The following ATAD2B variants were observed in gnomAD, a reference collection of about 807,000 sequenced individuals.
The protein encoded by ATAD2B is ATPase family AAA domain containing 2B.
ATAD2B carries 40 observed loss-of-function variants against 167.6 expected under a neutral mutation model. The observed-to-expected ratio is 0.24, with a 90% CI of 0.19 to 0.31. ATAD2B has a LOEUF of 0.31. ATAD2B is among the 10% of genes least tolerant of loss of function. ATAD2B has a pLI of 1.00. For missense variants in ATAD2B, 1,242 were observed against 1,757.2 expected, an observed-to-expected ratio of 0.71 and a Z score of 5.24; for synonymous variants, 579 against 596.5, an observed-to-expected ratio of 0.97 and a Z score of 0.43.
intron 17 of ATAD2B, among the ~76,000 whole-genome samples, chr2:23,814,442 C>G (rs1440303586): frequency 6.6e-6 from 1 of 152,176 alleles, no homozygotes; most frequent in Admixed American, 6.5e-5. Context: ...GTACACAGTG[C>G]TATGGAAGAT....
chr2:23,715,573 CA>C, the ATAD2B span, among the ~76,000 whole-genome samples: 7,188 of 139,352 alleles, frequency 0.052, 219 homozygotes, highest in Non-Finnish European at 0.072. Context: ...GACTCTGTCT[CA>C]AAAAAAAAAA....
At chr2:23,892,583 T>C (rs919596209) in intron 2 of ATAD2B, among the ~76,000 whole-genome samples, 6 of 152,046 alleles carry the variant, frequency 3.9e-5, no homozygotes, top group African/African-American at 1.4e-4. Flanking sequence ...GCAATTCTCG[T>C]GCCTCAGCCT....
intron 16 of ATAD2B, among the ~76,000 whole-genome samples, chr2:23,820,482 A>AT (rs150026414): frequency 0.079 from 12,006 of 152,252 alleles, 597 homozygotes; most frequent in South Asian, 0.12. Context: ...TCTACTGAGA[A>AT]TGCAACACTT....
chr2:23,700,396 T>TGTTA, the ATAD2B span, among the ~76,000 whole-genome samples: 1 of 152,190 alleles, frequency 6.6e-6, no homozygotes, highest in East Asian at 1.9e-4. The surrounding 1 kb of genome is among the most constrained non-coding windows in gnomAD (Gnocchi z 4.6). Context: ...TTTTACTACA[T>TGTTA]GTTACTACTC....
downstream of ATAD2B, among the ~76,000 whole-genome samples, chr2:23,743,923 A>C (rs1222287527): frequency 6.6e-6 from 1 of 152,106 alleles, no homozygotes; most frequent in African/African-American, 2.4e-5. Context: ...GTTCAAACTC[A>C]TGATTATACA....
intron 15 of ATAD2B, among the ~76,000 whole-genome samples, chr2:23,824,415 T>C (rs1471962746): frequency 1.3e-5 from 2 of 152,216 alleles, no homozygotes; most frequent in African/African-American, 2.4e-5. Flanking sequence ...CAAACACGTA[T>C]AAAATAGTAT....
chr2:23,712,745 G>A, the ATAD2B span, among the ~76,000 whole-genome samples: 3 of 152,000 alleles, frequency 2.0e-5, no homozygotes, highest in East Asian at 5.8e-4. Context: ...GTTGGGAGTA[G>A]ACAAAGAGGA....
At chr2:23,737,735 C>T in the ATAD2B span, among the ~76,000 whole-genome samples, 23 of 152,098 alleles carry the variant, frequency 1.5e-4, no homozygotes, top group South Asian at 2.1e-3. Context: ...AGGTTTCAGA[C>T]GATCAAACTA....
At chr2:23,729,360 A>G in the ATAD2B span, among the ~76,000 whole-genome samples, 46 of 152,346 alleles carry the variant, frequency 3.0e-4, no homozygotes, top group Non-Finnish European at 6.2e-4. Context: ...AAAATGAAGC[A>G]GGAGATTCAC....
intron 22 of ATAD2B, among the ~76,000 whole-genome samples, chr2:23,782,306 C>G (rs1241657662): frequency 6.6e-6 from 1 of 152,222 alleles, no homozygotes; most frequent in Non-Finnish European, 1.5e-5. Context: ...CATATTCTTC[C>G]TCAGTATAAT....
chr2:23,711,414 G>GGAT, the ATAD2B span, among the ~76,000 whole-genome samples: 3 of 115,644 alleles, frequency 2.6e-5, no homozygotes, highest in Non-Finnish European at 4.9e-5. Flanking sequence ...TGCCCAGGCT[G>GGAT]GATGGAGTGC....
chr2:23,753,444 A>C (rs748524714), intron 27 of ATAD2B, among the ~76,000 whole-genome samples: 12 of 152,128 alleles, frequency 7.9e-5, no homozygotes, highest in Admixed American at 2.6e-4. Context: ...TAACAGGCAA[A>C]TCAACAAAGG....
intron 1 of ATAD2B, among the ~76,000 whole-genome samples, chr2:23,912,176 T>C (rs1702410221): frequency 6.6e-6 from 1 of 152,066 alleles, no homozygotes; most frequent in Admixed American, 6.6e-5. Flanking sequence ...ACAATGGAAT[T>C]AAGCTAGAAG....
the ATAD2B span, among the ~76,000 whole-genome samples, chr2:23,727,919 A>G: frequency 6.6e-6 from 1 of 152,238 alleles, no homozygotes; most frequent in Non-Finnish European, 1.5e-5. Context: ...GGAGGAATGA[A>G]TAAGTGGAAC....
At chr2:23,770,162 A>C (rs186571260) in intron 22 of ATAD2B, among the ~76,000 whole-genome samples, 1 of 151,672 alleles carries the variant, frequency 6.6e-6, no homozygotes, top group Admixed American at 6.6e-5. Flanking sequence ...ATACAAAAAA[A>C]AAAAATAGCT....
At chr2:23,767,214 T>C (rs1304734418) in intron 22 of ATAD2B, among the ~76,000 whole-genome samples, 1 of 152,034 alleles carries the variant, frequency 6.6e-6, no homozygotes, top group African/African-American at 2.4e-5. Context: ...TCATTCCTAT[T>C]ACCTGCTCTG....
chr2:23,862,530 C>A (rs1215872151), intron 12 of ATAD2B, among the ~76,000 whole-genome samples: 2 of 150,900 alleles, frequency 1.3e-5, no homozygotes, highest in Admixed American at 1.3e-4. Context: ...TCTGCCTTGG[C>A]CTCTTAAAAT....
At chr2:23,702,105 G>A in the ATAD2B span, among the ~76,000 whole-genome samples, 853 of 152,136 alleles carry the variant, frequency 5.6e-3, 9 homozygotes, top group Non-Finnish European at 5.4e-3. Flanking sequence ...TGATAGGCGT[G>A]AGCCATCGCG....
chr2:23,848,639 T>C (rs887989428), intron 13 of ATAD2B, among the ~76,000 whole-genome samples: 1 of 152,020 alleles, frequency 6.6e-6, no homozygotes, highest in Non-Finnish European at 1.5e-5. Context: ...AAAGTTACTA[T>C]GAAAATAATA....
Sources: gnomAD v4.1 joint callset for allele counts (sites outside exome capture counted in the v4.1 genomes callset) on GRCh38, gnomAD v4.1.1 for gene constraint, Gnocchi (gnomAD v3.1) non-coding constraint, MANE v1.5 for transcripts, NCBI Gene and HGNC (gene_info 2026-07-23, HGNC 2026-07-21) for gene names.